Variants in NRXN3 observed in about 807,000 individuals in gnomAD.
NRXN3 encodes neurexin III.
NRXN3 carries 32 observed loss-of-function variants against 137.6 expected under a neutral mutation model. The ratio of observed to expected loss-of-function variants is 0.23; its 90% CI spans 0.18 to 0.31. The LOEUF (loss-of-function observed/expected upper bound fraction) is 0.31. Among genes scored for constraint, NRXN3 ranks in the 10% least tolerant of loss-of-function variants. The probability of loss-of-function intolerance (pLI) is 1.00; values close to 1 mark genes in which losing one functional copy is unlikely to be tolerated. For synonymous variants in NRXN3, 798 were observed against 784.5 expected, an observed-to-expected ratio of 1.02 and a Z score of -0.29; for missense variants, 1,574 against 2,062.5, an observed-to-expected ratio of 0.76 and a Z score of 4.59.
intron 20 of NRXN3, among the ~76,000 whole-genome samples, chr14:79,829,268 A>G (rs932570137): frequency 6.6e-6 from 1 of 152,234 alleles, no homozygotes; most frequent in Non-Finnish European, 1.5e-5. Flanking sequence ...CAGAAAGGAA[A>G]TTTCAGGAAA....
At chr14:78,643,028 C>A (rs2097650794) in intron 4 of NRXN3, among the ~76,000 whole-genome samples, 1 of 152,168 alleles carries the variant, frequency 6.6e-6, no homozygotes, top group Admixed American at 6.5e-5. Flanking sequence ...CTGGAACACA[C>A]AAGAGAAACT....
intron 4 of NRXN3, among the ~76,000 whole-genome samples, chr14:78,320,124 G>C (rs74655540): frequency 0.02 from 3,057 of 152,296 alleles, 102 homozygotes; most frequent in African/African-American, 0.07. Context: ...ATCAACAGCT[G>C]TAAGTAGAGC....
At chr14:79,748,784 T>A (rs1312456257) in intron 19 of NRXN3, among the ~76,000 whole-genome samples, 4 of 152,042 alleles carry the variant, frequency 2.6e-5, no homozygotes, top group Admixed American at 2.6e-4. Flanking sequence ...CATAGAGCTA[T>A]TGTCAAATGT....
chr14:78,445,585 C>CAG (rs1441509815), intron 4 of NRXN3, among the ~76,000 whole-genome samples: 3 of 152,210 alleles, frequency 2.0e-5, no homozygotes, highest in Admixed American at 1.3e-4. Context: ...CTCTGTTCTA[C>CAG]AGTGCCTTGA....
chr14:79,415,210 A>G (rs988883713), intron 15 of NRXN3, among the ~76,000 whole-genome samples: 3 of 152,124 alleles, frequency 2.0e-5, no homozygotes, highest in South Asian at 2.1e-4. Context: ...GCAGATATCT[A>G]TTCAAGGTAC....
At chr14:78,962,855 A>T (rs2099410713) in intron 11 of NRXN3, among the ~76,000 whole-genome samples, 1 of 152,106 alleles carries the variant, frequency 6.6e-6, no homozygotes, top group South Asian at 2.1e-4. Context: ...CTGGGACTAC[A>T]GGCGTGTGCC....
chr14:79,651,830 A>G (rs762758579), intron 16 of NRXN3, among the ~76,000 whole-genome samples: 4 of 152,186 alleles, frequency 2.6e-5, no homozygotes, highest in Non-Finnish European at 4.4e-5. Context: ...TGTTTGGGTC[A>G]TTCCTAGATC....
intron 4 of NRXN3, among the ~76,000 whole-genome samples, chr14:78,343,033 A>G (rs75667264): frequency 0.016 from 2,431 of 152,284 alleles, 70 homozygotes; most frequent in African/African-American, 0.056. Flanking sequence ...ACTAGCCACA[A>G]CTGGGAACTG....
rs543790450 is a variant in NRXN3 at position 79,441,574 on chromosome 14, G to T, written c.3263-25647G>T. ...TGTTTGTATTTTTAGTAGAGACGGG[G>T]TTTCACCGTGTTAGCCAGGATGGTC... On this transcript the variant is annotated intron_variant, in intron 15 of 20. Coordinates refer to ENST00000335750, the MANE Select transcript of NRXN3 (RefSeq NM_001330195.2). 3.3e-5 allele frequency among the ~76,000 whole-genome samples: 5 copies of T among 151,562 alleles called. No homozygotes were observed. The South Asian group carries it at 1.0e-3, about 32-fold the overall frequency.
chr14:78,834,264 G>A (rs935880272), intron 10 of NRXN3, among the ~76,000 whole-genome samples: 3 of 152,034 alleles, frequency 2.0e-5, no homozygotes, highest in Admixed American at 6.6e-5. Context: ...AGTTTCCTCC[G>A]GCAGCTGAGA....
At chr14:79,496,997 T>C (rs765443419) in intron 16 of NRXN3, among the ~76,000 whole-genome samples, 11 of 152,164 alleles carry the variant, frequency 7.2e-5, no homozygotes, top group Admixed American at 2.0e-4. Flanking sequence ...CCCACAAAGT[T>C]GGGACTAGGT....
chr14:79,253,049 A>C (rs186259311), intron 15 of NRXN3, among the ~76,000 whole-genome samples: 23 of 152,282 alleles, frequency 1.5e-4, no homozygotes, highest in Non-Finnish European at 2.9e-4. Flanking sequence ...AACATGACCC[A>C]TTGACTAGAC....
chr14:79,435,862 G>A (rs145791291), intron 15 of NRXN3, among the ~76,000 whole-genome samples: 430 of 152,024 alleles, frequency 2.8e-3, no homozygotes, highest in African/African-American at 9.6e-3. Flanking sequence ...TCAAACTCTC[G>A]GACTGAAGGG....
At chr14:78,275,576 G>C (rs1239112642) in intron 2 of NRXN3, among the ~76,000 whole-genome samples, 1 of 152,144 alleles carries the variant, frequency 6.6e-6, no homozygotes, top group African/African-American at 2.4e-5. Flanking sequence ...GAATATGGCA[G>C]CTCTAGAGAA....
chr14:79,401,103 C>G (rs1220302640), intron 15 of NRXN3, among the ~76,000 whole-genome samples: 3 of 152,186 alleles, frequency 2.0e-5, no homozygotes, highest in African/African-American at 7.2e-5. Flanking sequence ...TCTTCACAAA[C>G]TTTGTGCGTG....
At chr14:78,421,261 C>CAA (rs34046580) in intron 4 of NRXN3, among the ~76,000 whole-genome samples, 2 of 116,080 alleles carry the variant, frequency 1.7e-5, no homozygotes, top group East Asian at 2.8e-4. Flanking sequence ...GACTCCATCT[C>CAA]AAAAAAAAAA....
chr14:79,318,971 G>A (rs1010692756), intron 15 of NRXN3, among the ~76,000 whole-genome samples: 1 of 151,996 alleles, frequency 6.6e-6, no homozygotes. Context: ...CACTCACTTT[G>A]TTTTTGACCA....
intron 11 of NRXN3, among the ~76,000 whole-genome samples, chr14:78,961,369 C>A (rs71414771): frequency 1.3e-5 from 2 of 152,036 alleles, no homozygotes; most frequent in Admixed American, 6.5e-5. Flanking sequence ...GCCCCTCCCC[C>A]CAGAAGTTAG....
At chr14:79,685,909 T>C (rs1212424512) in intron 17 of NRXN3, among the ~76,000 whole-genome samples, 1 of 152,146 alleles carries the variant, frequency 6.6e-6, no homozygotes, top group Non-Finnish European at 1.5e-5. Context: ...CAGCAAGGAA[T>C]AGGGGCATGA....
Sources: allele counts gnomAD v4.1 joint callset (sites outside exome capture counted in the v4.1 genomes callset), GRCh38; gene constraint gnomAD v4.1.1; transcripts MANE v1.5; gene names NCBI Gene and HGNC (gene_info 2026-07-23, HGNC 2026-07-21).